CAMTA1: variants seen among roughly 807,000 people sequenced by gnomAD.
CAMTA1 encodes the protein calmodulin-binding transcription activator 1.
In CAMTA1, 27 loss-of-function variants were observed where a neutral mutation model predicts 170.9. The ratio of observed to expected loss-of-function variants is 0.16; its 90% confidence interval spans 0.12 to 0.22. The LOEUF is 0.22. CAMTA1 is among the 10% of genes least tolerant of loss of function. CAMTA1 has a pLI of 1.00. For missense variants in CAMTA1, 1,619 were observed against 2,217.2 expected (o/e 0.73, Z 5.42); for synonymous variants, 833 against 891.5 (o/e 0.93, Z 1.17).
At chr1:6,983,862 G>A in intron 3 of CAMTA1, among the ~76,000 whole-genome samples, 2 of 148,668 alleles carry the variant, frequency 1.3e-5, no homozygotes, top group Non-Finnish European at 3.0e-5. Flanking sequence ...ATAGATGAAT[G>A]GGTGGGTGGA....
intron 1 of CAMTA1, among the ~76,000 whole-genome samples, chr1:6,791,093 T>C (rs889980773): frequency 1.3e-5 from 2 of 150,368 alleles, no homozygotes; most frequent in Non-Finnish European, 3.0e-5. Flanking sequence ...GTGTATCTTC[T>C]AGAATCATGT....
chr1:7,480,396 AGTGT>A (rs377104355), intron 6 of CAMTA1, among the ~76,000 whole-genome samples: 131 of 149,720 alleles, frequency 8.7e-4, no homozygotes, highest in South Asian at 2.8e-3. Context: ...CGTATATGAG[AGTGT>A]GTGTGTGTGT....
At position 7,103,140 on chromosome 1, in the gene CAMTA1, G is replaced by T. The variant is rs150877753; in HGVS notation, c.302+11769G>T. Among the ~76,000 whole-genome samples, 304 of 151,882 alleles carry T rather than the reference G, an allele frequency of 2.0e-3. 2 individuals are homozygous for T. Among genetic ancestry groups the T allele is most frequent in the African/African-American group, 7.0e-3 (291 of 41,404 alleles). On this transcript the variant is annotated intron_variant, in intron 4 of 22. Coordinates refer to ENST00000303635, the MANE Select transcript of CAMTA1 (RefSeq NM_015215.4). ...TGCAGTGGGGGTTCCCAGCGGGGTG[G>T]GGGGTACCCTTGAACAGGGTACCTA...
intron 3 of CAMTA1, among the ~76,000 whole-genome samples, chr1:7,022,225 C>A (rs1701455021): frequency 6.6e-6 from 1 of 152,218 alleles, no homozygotes; most frequent in Admixed American, 6.5e-5. Context: ...GCAGTCACCC[C>A]CTTCCTTTCC....
rs1472085975 is a variant in CAMTA1 at position 7,310,599 on chromosome 1, C to CTTTCT, written c.438+60976_438+60977insCTTTT. On this transcript the variant is annotated intron_variant, in intron 5 of 22. Coordinates refer to ENST00000303635, the MANE Select transcript of CAMTA1 (RefSeq NM_015215.4). ...AAGATTTTTCTTTTTCTTTTCTTTT[C>CTTTCT]TTTTCTTTCTTTCTTTCTTTCTTTC... is the stretch of plus-strand genomic sequence containing the variant. Among the ~76,000 whole-genome samples, 450 of 99,790 alleles carry CTTTCT rather than the reference C, an allele frequency of 4.5e-3. 7 individuals are homozygous for CTTTCT. Among genetic ancestry groups the CTTTCT allele is most frequent in the Middle Eastern group, 9.3e-3 (2 of 216 alleles). 65.5% of individuals were successfully genotyped at this position (99,790 alleles called of 152,430 possible).
At position 6,873,513 on chromosome 1, in the gene CAMTA1, C is replaced by T. The variant is rs543257900; in HGVS notation, c.234+48303C>T. On this transcript the variant is annotated intron_variant, in intron 3 of 22. Transcript: ENST00000303635. The stretch of plus-strand genomic sequence containing the variant: ...GAGGGATGAGCTGGTTGATGGTCCC[C>T]AGGAGAGTCACAGCTCCCTGCTGTT... 3.8e-4 allele frequency among the ~76,000 whole-genome samples: 58 copies of T among 152,290 alleles called. 2 individuals carry two copies. The South Asian group carries it at 0.01, about 27-fold the overall frequency.
intron 4 of CAMTA1, among the ~76,000 whole-genome samples, chr1:7,143,992 T>C (rs1339112633): frequency 1.3e-5 from 2 of 152,254 alleles, no homozygotes; most frequent in Non-Finnish European, 2.9e-5. Flanking sequence ...TTTACTTCTC[T>C]GTTGTTTGAG....
chr1:7,155,402 G>A (rs1308110930), intron 4 of CAMTA1, among the ~76,000 whole-genome samples: 5 of 151,968 alleles, frequency 3.3e-5, no homozygotes, highest in Admixed American at 6.6e-5. Context: ...GGGGGATTGG[G>A]CAGGGAAAAG....
chr1:6,787,322 C>T (rs778225389), intron 1 of CAMTA1, among the ~76,000 whole-genome samples: 26 of 152,322 alleles, frequency 1.7e-4, no homozygotes, highest in Non-Finnish European at 2.8e-4. Flanking sequence ...TAGAACCTTC[C>T]TTTGGCTCTG....
At chr1:7,109,423 G>A (rs1330969755) in intron 4 of CAMTA1, among the ~76,000 whole-genome samples, 4 of 152,208 alleles carry the variant, frequency 2.6e-5, no homozygotes, top group Admixed American at 6.5e-5. Flanking sequence ...AAGCATTCTT[G>A]CCTTTCTGGG....
intron 7 of CAMTA1, among the ~76,000 whole-genome samples, chr1:7,649,347 G>A (rs1441485665): frequency 1.3e-5 from 2 of 152,346 alleles, no homozygotes; most frequent in Non-Finnish European, 2.9e-5. Context: ...AGTCATGGGG[G>A]AGGCAGCGAT....
chr1:6,909,762 C>A (rs1016301938), intron 3 of CAMTA1, among the ~76,000 whole-genome samples: 1 of 152,220 alleles, frequency 6.6e-6, no homozygotes, highest in South Asian at 2.1e-4. Flanking sequence ...GAGCCAGATA[C>A]AATTAATCTG....
chr1:7,464,268 T>G (rs1557758468), intron 5 of CAMTA1, among the ~76,000 whole-genome samples: 1 of 152,170 alleles, frequency 6.6e-6, no homozygotes, highest in Admixed American at 6.5e-5. Flanking sequence ...CACGCGGATT[T>G]ATCCACGAGC....
At chr1:7,317,785 GT>G (rs1284709616) in intron 5 of CAMTA1, among the ~76,000 whole-genome samples, 5 of 152,164 alleles carry the variant, frequency 3.3e-5, no homozygotes, top group African/African-American at 9.7e-5. Context: ...GAGGGCATAA[GT>G]TTCAAAACTC....
intron 5 of CAMTA1, among the ~76,000 whole-genome samples, chr1:7,255,763 G>C: frequency 6.6e-6 from 1 of 152,206 alleles, no homozygotes; most frequent in East Asian, 1.9e-4. Flanking sequence ...CTTGCTCTGG[G>C]AAGTAGATTT....
chr1:7,442,157 T>C (rs951638789), intron 5 of CAMTA1, among the ~76,000 whole-genome samples: 1 of 152,216 alleles, frequency 6.6e-6, no homozygotes, highest in African/African-American at 2.4e-5. Context: ...TGAGATCCCT[T>C]ATGCTCAGCG....
intron 6 of CAMTA1, among the ~76,000 whole-genome samples, chr1:7,597,864 C>T (rs2095412150): frequency 6.6e-6 from 1 of 151,392 alleles, no homozygotes; most frequent in Non-Finnish European, 1.5e-5. Flanking sequence ...GATACATGTG[C>T]AGAATGTGCA....
chr1:7,512,483 G>C (rs2094215147), intron 6 of CAMTA1, among the ~76,000 whole-genome samples: 1 of 152,224 alleles, frequency 6.6e-6, no homozygotes, highest in African/African-American at 2.4e-5. Flanking sequence ...GGACCGCATA[G>C]TTATTTGATT....
At chr1:6,869,800 A>G (rs1464714447) in intron 3 of CAMTA1, among the ~76,000 whole-genome samples, 1 of 152,132 alleles carries the variant, frequency 6.6e-6, no homozygotes, top group Non-Finnish European at 1.5e-5. Context: ...GTTGGTTGTA[A>G]TATTCAGGCA....
Sources: allele counts gnomAD v4.1 joint callset (sites outside exome capture counted in the v4.1 genomes callset), GRCh38; gene constraint gnomAD v4.1.1; transcripts MANE v1.5; gene names NCBI Gene and HGNC (gene_info 2026-07-23, HGNC 2026-07-21).